Variants in SDK2 observed in about 807,000 individuals in gnomAD.
SDK2 encodes the protein sidekick cell adhesion molecule 2.
SDK2 carries 105 observed loss-of-function variants against 253.9 expected under a neutral mutation model. That is an observed-to-expected ratio of 0.41 (90% CI 0.35 to 0.49). The LOEUF (loss-of-function observed/expected upper bound fraction) is 0.49. Among genes scored for constraint, SDK2 ranks in the 20% least tolerant of loss-of-function variants. The probability of loss-of-function intolerance (pLI) is 0.06; values close to 1 mark genes in which losing one functional copy is unlikely to be tolerated. For missense variants in SDK2, 2,608 were observed against 3,003.0 expected (o/e 0.87, Z 3.07); for synonymous variants, 1,249 against 1,234.9 (o/e 1.01, Z -0.24).
intron 1 of SDK2, among the ~76,000 whole-genome samples, chr17:73,515,526 C>T (rs1408781935): frequency 6.6e-6 from 1 of 152,148 alleles, no homozygotes; most frequent in Non-Finnish European, 1.5e-5. Flanking sequence ...ACTGGTCCGC[C>T]CAGGGGGTGA....
At chr17:73,461,842 C>T (rs887931481) in intron 3 of SDK2, among the ~76,000 whole-genome samples, 7 of 151,464 alleles carry the variant, frequency 4.6e-5, no homozygotes, top group Admixed American at 4.6e-4. Flanking sequence ...GTTGTGTTTG[C>T]TTGTATGCCT....
intron 40 of SDK2, among the ~76,000 whole-genome samples, chr17:73,355,168 A>ATGTG (rs1599477828): frequency 2.7e-4 from 8 of 29,328 alleles, no homozygotes; most frequent in African/African-American, 1.4e-3. Context: ...CCATATATAT[A>ATGTG]TATATATTTT....
chr17:73,370,291 G>A (rs932658089), intron 36 of SDK2, among the ~76,000 whole-genome samples: 5 of 152,138 alleles, frequency 3.3e-5, no homozygotes, highest in African/African-American at 1.2e-4. Context: ...TGCCCAGGCT[G>A]GAGTGCAGTG....
chr17:73,563,194 A>G (rs1314457307), intron 1 of SDK2, among the ~76,000 whole-genome samples: 1 of 152,258 alleles, frequency 6.6e-6, no homozygotes. Context: ...TCTTCGAACC[A>G]GAAATATCCT....
chr17:73,387,829 G>T lies in SDK2; in HGVS notation c.4394+7C>A, dbSNP rs1272249264. 1 of 1,558,254 alleles carries T rather than the reference G, an allele frequency of 6.4e-7. No homozygotes were observed. Among genetic ancestry groups the T allele is most frequent in the Non-Finnish European group, 8.7e-7 (1 of 1,148,820 alleles). ...AGTGGGGATGCTGGCATGGACCCGA[G>T]CCTTACCTGTCCACAATGAAGCTGG... On this transcript the variant is annotated splice_region_variant and intron_variant, in intron 30 of 44. Transcript: ENST00000392650.
chr17:73,631,608 C>CG (rs549812668), intron 1 of SDK2, among the ~76,000 whole-genome samples: 20 of 152,306 alleles, frequency 1.3e-4, no homozygotes, highest in Middle Eastern at 3.4e-3. Context: ...GGTAAGCAGG[C>CG]GGGCTGCTGA....
intron 18 of SDK2, among the ~76,000 whole-genome samples, chr17:73,408,773 T>TA (rs540289405): frequency 1.7e-4 from 26 of 151,932 alleles, no homozygotes; most frequent in African/African-American, 4.6e-4. Context: ...GACTGAGACC[T>TA]AAAAAAAACC....
Position 73,644,229 on chromosome 17 carries a change from C to T in SDK2, c.-141G>A. The stretch of plus-strand genomic sequence containing the variant: ...CTCCGTGCCCCGGGGTGTAATATGC[C>T]CGGGAGGGGCAGCGCTTGGCTACCC... On this transcript the variant is annotated 5_prime_UTR_variant, in exon 1 of 45. Transcript: ENST00000392650. The surrounding 1 kb of genome is among the most constrained non-coding windows in gnomAD (Gnocchi z 6.3). 1.4e-6 allele frequency: 1 copy of T among 692,744 alleles called. No individual in the cohort carries two copies. The highest frequency in any genetic ancestry group is 2.5e-6 in the Non-Finnish European group (1 of 397,380). 42.9% of individuals were successfully genotyped at this position (692,744 alleles called of 1,614,324 possible). A position where few individuals can be genotyped will look rare whatever the true frequency, so the allele number is the denominator to read the frequency against.
intron 3 of SDK2, among the ~76,000 whole-genome samples, chr17:73,458,518 C>T (rs1339650400): frequency 6.6e-6 from 1 of 152,238 alleles, no homozygotes; most frequent in Non-Finnish European, 1.5e-5. Flanking sequence ...TCTTTCCAGC[C>T]ATGCTGGCCC....
At chr17:73,400,897 C>G (rs1362956379) in intron 21 of SDK2, 123 bp downstream of exon 21, 1 of 940,224 alleles carries the variant, frequency 1.1e-6, no homozygotes, top group African/African-American at 1.7e-5. Flanking sequence ...ATACGCCTGC[C>G]TCAGCCTCCC....
At chr17:73,345,177 G>T (rs570725239) in intron 44 of SDK2, among the ~76,000 whole-genome samples, 1 of 152,268 alleles carries the variant, frequency 6.6e-6, no homozygotes, top group South Asian at 2.1e-4. Flanking sequence ...AAATTAGCTT[G>T]GTGTGGTGGT....
Position 73,435,352 on chromosome 17 carries a change from A to G in SDK2, c.1195+98T>C. On this transcript the variant is annotated intron_variant, in intron 9 of 44. Coordinates refer to ENST00000392650, the MANE Select transcript of SDK2 (RefSeq NM_001144952.2). The surrounding 1 kb of genome is among the most constrained non-coding windows in gnomAD (Gnocchi z 5.7). ...TTTGGGGATCCTATCTGCTTAATGGAACGTGCTATGCACAAGAGGCCCCTC... is the reference window on the plus strand; with the variant it reads ...TTTGGGGATCCTATCTGCTTAATGGGACGTGCTATGCACAAGAGGCCCCTC... The G allele has an allele frequency of 8.2e-7, 1 of 1,219,442 alleles. No homozygotes were observed. Among genetic ancestry groups the G allele is most frequent in the Admixed American group, 2.7e-5 (1 of 37,592 alleles). 75.5% of individuals were successfully genotyped at this position (1,219,442 alleles called of 1,614,324 possible).
At chr17:73,360,129 C>G (rs1413655405) in intron 39 of SDK2, among the ~76,000 whole-genome samples, 1 of 152,232 alleles carries the variant, frequency 6.6e-6, no homozygotes, top group African/African-American at 2.4e-5. Flanking sequence ...TGCCAGCTCT[C>G]TCTCCTACTT....
chr17:73,462,225 A>C (rs949553168), intron 3 of SDK2, among the ~76,000 whole-genome samples: 1 of 151,436 alleles, frequency 6.6e-6, no homozygotes, highest in African/African-American at 2.4e-5. Flanking sequence ...ATGGTGGGAT[A>C]GATGGTTGTA....
chr17:73,609,143 C>G lies in SDK2; in HGVS notation c.64+34882G>C, dbSNP rs2045943724. ...GGGGAAGATCAGGAGTTTGCAAGACCTTGTGTGTGTTCAGTTGGGATGACT... is the reference window on the plus strand; with the variant it reads ...GGGGAAGATCAGGAGTTTGCAAGACGTTGTGTGTGTTCAGTTGGGATGACT... On this transcript the variant is annotated intron_variant, in intron 1 of 44. Transcript: ENST00000392650. The surrounding 1 kb of genome is among the most constrained non-coding windows in gnomAD (Gnocchi z 4.4). 6.6e-6 allele frequency among the ~76,000 whole-genome samples: 1 copy of G among 152,058 alleles called. No individual in the cohort carries two copies. Among genetic ancestry groups the G allele is most frequent in the South Asian group, 2.1e-4 (1 of 4,822 alleles).
At chr17:73,587,197 G>A (rs1025261956) in intron 1 of SDK2, among the ~76,000 whole-genome samples, 3 of 152,148 alleles carry the variant, frequency 2.0e-5, no homozygotes, top group Non-Finnish European at 4.4e-5. Flanking sequence ...AGGCTCTAGA[G>A]CCTGAGGTCC....
chr17:73,471,188 C>T (rs1036778644), intron 3 of SDK2, among the ~76,000 whole-genome samples: 8 of 152,186 alleles, frequency 5.3e-5, no homozygotes, highest in African/African-American at 1.9e-4. Context: ...ATTCCTCATT[C>T]TCCCCTTCCC....
chr17:73,390,059 C>A (rs2062914130), intron 29 of SDK2, among the ~76,000 whole-genome samples: 1 of 152,198 alleles, frequency 6.6e-6, no homozygotes. Flanking sequence ...ACAAACTTTC[C>A]CTTTAGAAGA....
intron 28 of SDK2, among the ~76,000 whole-genome samples, chr17:73,390,724 C>T (rs1203411897): frequency 2.6e-5 from 4 of 152,172 alleles, no homozygotes; most frequent in South Asian, 4.1e-4. Context: ...CTGTGACCCC[C>T]GTAACAGCCC....
Sources: allele counts gnomAD v4.1 joint callset (sites outside exome capture counted in the v4.1 genomes callset), GRCh38; gene constraint gnomAD v4.1.1; non-coding constraint Gnocchi (gnomAD v3.1); transcripts MANE v1.5; gene names NCBI Gene and HGNC (gene_info 2026-07-23, HGNC 2026-07-21).